The following TBC1D5 variants were observed in gnomAD, a reference collection of about 807,000 sequenced individuals.
The protein encoded by TBC1D5 is TBC1 domain family, member 5.
A neutral mutation model predicts 100.3 loss-of-function variants in TBC1D5; 75 were observed. The observed-to-expected ratio is 0.75, with a 90% confidence interval of 0.62 to 0.91. The LOEUF (loss-of-function observed/expected upper bound fraction) is 0.91. Among genes scored for constraint, TBC1D5 ranks in the 40% least tolerant of loss-of-function variants. The probability of loss-of-function intolerance (pLI) is 0.00; values close to 1 mark genes in which losing one functional copy is unlikely to be tolerated. For missense variants in TBC1D5, 910 were observed against 942.4 expected, an observed-to-expected ratio of 0.97 and a Z score of 0.45; for synonymous variants, 323 against 325.6, an observed-to-expected ratio of 0.99 and a Z score of 0.09.
intron 2 of TBC1D5, among the ~76,000 whole-genome samples, chr3:17,561,640 G>A (rs2096560012): frequency 6.6e-6 from 1 of 152,088 alleles, no homozygotes; most frequent in African/African-American, 2.4e-5. Flanking sequence ...ACACTGGAGT[G>A]GGAGGGTGAG....
At chr3:17,315,845 G>T (rs2084631802) in intron 13 of TBC1D5, among the ~76,000 whole-genome samples, 1 of 152,186 alleles carries the variant, frequency 6.6e-6, no homozygotes, top group South Asian at 2.1e-4. Flanking sequence ...TTTACGGTGT[G>T]GGGGACGGGC....
chr3:17,186,814 C>T (rs1049004943), intron 18 of TBC1D5, among the ~76,000 whole-genome samples: 5 of 149,654 alleles, frequency 3.3e-5, no homozygotes, highest in Admixed American at 6.7e-5. Context: ...TGTGAAATGT[C>T]GACTGTAGGA....
At chr3:17,533,207 C>T (rs923494033) in intron 2 of TBC1D5, among the ~76,000 whole-genome samples, 2 of 151,940 alleles carry the variant, frequency 1.3e-5, no homozygotes, top group Non-Finnish European at 2.9e-5. Context: ...AATCTATTTC[C>T]CCATACAATT....
intron 7 of TBC1D5, 120 bp downstream of exon 7, chr3:17,404,574 T>C (rs73040827): frequency 3.1e-5 from 26 of 841,356 alleles, no homozygotes; most frequent in Non-Finnish European, 2.8e-5. Context: ...TGGTACTGTA[T>C]GTGGAATAAA....
Position 17,499,610 on chromosome 3 carries a change from A to G in TBC1D5, c.97+8864T>C, listed in dbSNP as rs533874176. On this transcript the variant is annotated intron_variant, in intron 3 of 21. Coordinates refer to ENST00000253692, the Ensembl canonical transcript of TBC1D5. ...CTTGAAAGGCTGGGGTGGGAGGATC[A>G]TCTGAACCCTGCCAGGTCAAGGCTG... 7.4e-5 allele frequency among the ~76,000 whole-genome samples: 11 copies of G among 147,800 alleles called. 1 individual carries two copies. In the South Asian group the frequency reaches 2.4e-3, roughly 32 times the overall value.
At chr3:17,456,739 T>C (rs1238213727) in intron 3 of TBC1D5, among the ~76,000 whole-genome samples, 1 of 151,926 alleles carries the variant, frequency 6.6e-6, no homozygotes, top group Non-Finnish European at 1.5e-5. Context: ...TGGAGGTTCC[T>C]CAAAAATCTA....
intron 3 of TBC1D5, among the ~76,000 whole-genome samples, chr3:17,497,603 T>C (rs1200332835): frequency 1.3e-5 from 2 of 152,220 alleles, no homozygotes; most frequent in Non-Finnish European, 2.9e-5. Context: ...ACAAGTCTAA[T>C]TAAGGATAAA....
chr3:17,451,708 C>A (rs1026686539), intron 3 of TBC1D5, among the ~76,000 whole-genome samples: 3 of 152,118 alleles, frequency 2.0e-5, no homozygotes, highest in African/African-American at 7.2e-5. Context: ...ACCACCATGG[C>A]ACGTGTATAC....
chr3:17,565,600 T>A (rs549448786), intron 2 of TBC1D5, among the ~76,000 whole-genome samples: 1 of 152,170 alleles, frequency 6.6e-6, no homozygotes, highest in African/African-American at 2.4e-5. Context: ...CAAATAGTTT[T>A]TTATTTATTT....
chr3:17,470,756 T>G (rs1456363480), intron 3 of TBC1D5, among the ~76,000 whole-genome samples: 1 of 151,848 alleles, frequency 6.6e-6, no homozygotes, highest in African/African-American at 2.4e-5. Flanking sequence ...CCTGTATCTA[T>G]TAAAAATACA....
chr3:17,476,014 T>A (rs989504452), intron 3 of TBC1D5, among the ~76,000 whole-genome samples: 2 of 152,112 alleles, frequency 1.3e-5, no homozygotes, highest in Non-Finnish European at 2.9e-5. Flanking sequence ...ATTGCATGGT[T>A]CCTTTACTAC....
At chr3:17,223,723 T>A (rs945353199) in intron 17 of TBC1D5, among the ~76,000 whole-genome samples, 1 of 152,004 alleles carries the variant, frequency 6.6e-6, no homozygotes, top group African/African-American at 2.4e-5. Flanking sequence ...TAGCTGGGCA[T>A]GGTGGTGCGT....
rs1413568975 is a variant in TBC1D5, at chr3:17,684,895, T to TTCATTTCTCTG, written c.-101+54437_-101+54447dup. Among the ~76,000 whole-genome samples the TTCATTTCTCTG allele has an allele frequency of 6.4e-4, 98 of 152,052 alleles. 1 individual carries two copies. The highest frequency in any genetic ancestry group is 2.9e-4 in the Non-Finnish European group (20 of 67,902). ...TCAAGAATCCAAATCTGAGTTGGACTTCATTTCTCTGAACTGTCCTAAAAA... is the reference window on the plus strand; with the variant it reads ...TCAAGAATCCAAATCTGAGTTGGACTTCATTTCTCTGTCATTTCTCTGAACTGTCCTAAAAA... On this transcript the variant is annotated intron_variant, in intron 1 of 21. Transcript: ENST00000253692.
chr3:17,460,241 AT>A (rs1030215983), intron 3 of TBC1D5, among the ~76,000 whole-genome samples: 24 of 152,334 alleles, frequency 1.6e-4, no homozygotes, highest in African/African-American at 5.3e-4. Flanking sequence ...CTACCTGGGA[AT>A]TCACAGCTTC....
At chr3:17,698,557 CT>C (rs1463584672) in intron 1 of TBC1D5, among the ~76,000 whole-genome samples, 1 of 150,480 alleles carries the variant, frequency 6.6e-6, no homozygotes, top group African/African-American at 2.4e-5. Context: ...TCTAATTAAA[CT>C]AAAGAGCTTC....
At chr3:17,634,204 C>T (rs1160900854) in intron 1 of TBC1D5, among the ~76,000 whole-genome samples, 1 of 152,076 alleles carries the variant, frequency 6.6e-6, no homozygotes, top group Non-Finnish European at 1.5e-5. Flanking sequence ...CTATATGAGC[C>T]AGCAATCCCA....
chr3:17,406,542 C>A lies in TBC1D5; in HGVS notation c.168-16G>T. The A allele has an allele frequency of 6.3e-7, 1 of 1,590,522 alleles. No homozygotes were observed. Among genetic ancestry groups the A allele is most frequent in the Non-Finnish European group, 8.6e-7 (1 of 1,163,614 alleles). ...CCATTCTTTCCTATATGAAAGAAAC[C>A]AAAGCATGAGAATCCTTTTGTTAAA... On this transcript the variant is annotated splice_polypyrimidine_tract_variant and intron_variant, in intron 4 of 21. Transcript: ENST00000253692.
intron 17 of TBC1D5, among the ~76,000 whole-genome samples, chr3:17,228,998 C>T (rs987711462): frequency 3.3e-5 from 5 of 151,976 alleles, no homozygotes; most frequent in African/African-American, 1.2e-4. Flanking sequence ...TTTTCTATTA[C>T]CAAATTCGAT....
chr3:17,385,441 G>T (rs1392198828), intron 8 of TBC1D5, among the ~76,000 whole-genome samples: 1 of 151,954 alleles, frequency 6.6e-6, no homozygotes, highest in East Asian at 1.9e-4. Flanking sequence ...ATATTATAAT[G>T]GTTTACTGCC....
Sources: gnomAD v4.1 joint callset for allele counts (sites outside exome capture counted in the v4.1 genomes callset) on GRCh38, gnomAD v4.1.1 for gene constraint, MANE v1.5 for transcripts, NCBI Gene and HGNC (gene_info 2026-07-23, HGNC 2026-07-21) for gene names.